The following PITPNA variants were observed in gnomAD, a reference collection of about 807,000 sequenced individuals.
PITPNA encodes the protein phosphatidylinositol transfer protein alpha.
A neutral mutation model predicts 50.3 loss-of-function variants in PITPNA; 13 were observed. That is an observed-to-expected ratio of 0.26 (90% confidence interval 0.17 to 0.41). PITPNA has a LOEUF of 0.41. Ranked by LOEUF, PITPNA falls within the 10% of genes least tolerant of loss-of-function variation. PITPNA has a pLI of 1.00. For missense variants in PITPNA, 207 were observed against 333.4 expected, an observed-to-expected ratio of 0.62 and a Z score of 2.95; for synonymous variants, 120 against 119.6, an observed-to-expected ratio of 1.00 and a Z score of -0.02.
intron 10 of PITPNA, among the ~76,000 whole-genome samples, chr17:1,530,986 C>T (rs1036520590): frequency 1.3e-5 from 2 of 151,516 alleles, no homozygotes; most frequent in African/African-American, 2.4e-5. Context: ...AAATGGAGAA[C>T]GGTTAGGAAC....
chr17:1,525,373 G>A lies in PITPNA; in HGVS notation c.769-3728C>T, dbSNP rs1019172103. On this transcript the variant is annotated intron_variant, in intron 10 of 11. Coordinates refer to ENST00000313486, the MANE Select transcript of PITPNA (RefSeq NM_006224.4). ...CACTGTCCTATAGCAAAGGAGATGT[G>A]TATAGAAGCTCTGAAGAACCTGGAA... Among the ~76,000 whole-genome samples, 5 of 152,082 alleles carry A rather than the reference G, an allele frequency of 3.3e-5. No homozygotes were observed. The East Asian group carries it at 9.6e-4, about 29-fold the overall frequency.
At chr17:1,538,179 T>C (rs2075629188) in intron 7 of PITPNA, among the ~76,000 whole-genome samples, 1 of 152,180 alleles carries the variant, frequency 6.6e-6, no homozygotes, top group African/African-American at 2.4e-5. Flanking sequence ...ACACATTCCC[T>C]ATCAGTGGGC....
intron 10 of PITPNA, among the ~76,000 whole-genome samples, chr17:1,532,788 A>G (rs1283110707): frequency 6.6e-6 from 1 of 152,228 alleles, no homozygotes; most frequent in African/African-American, 2.4e-5. Context: ...CGAAAGAATC[A>G]GGGACTGTGC....
chr17:1,562,415 T>A lies in PITPNA; in HGVS notation c.20+126A>T. Reference sequence around the variant, plus strand: ...CCCCTCCATCCCCGCTGGGCCCGCCTCAGGCACCCTCCGTCCCTGCTGCCC... The same window carrying A: ...CCCCTCCATCCCCGCTGGGCCCGCCACAGGCACCCTCCGTCCCTGCTGCCC... On this transcript the variant is annotated intron_variant, in intron 1 of 11. Coordinates refer to ENST00000313486, the MANE Select transcript of PITPNA (RefSeq NM_006224.4). This position sits in a 1 kb window ranked among gnomAD's most constrained non-coding sequence, Gnocchi z 6.4. The A allele has an allele frequency of 1.7e-6, 1 of 592,080 alleles. No homozygotes were observed. The highest frequency in any genetic ancestry group is 6.9e-5 in the East Asian group (1 of 14,416). 36.7% of individuals were successfully genotyped at this position (592,080 alleles called of 1,614,324 possible). A position where few individuals can be genotyped will look rare whatever the true frequency, so the allele number is the denominator to read the frequency against.
At chr17:1,548,478 G>A in intron 3 of PITPNA, 91 bp from the exon 4 acceptor site, 2 of 875,286 alleles carry the variant, frequency 2.3e-6, no homozygotes, top group Non-Finnish European at 1.8e-6. Flanking sequence ...ATGGGGAGCT[G>A]ACAAGCAAGT....
intron 3 of PITPNA, among the ~76,000 whole-genome samples, chr17:1,549,998 C>G (rs1350780031): frequency 6.6e-6 from 1 of 152,170 alleles, no homozygotes; most frequent in South Asian, 2.1e-4. Flanking sequence ...AACAGATAAT[C>G]TGTCCAGTCT....
chr17:1,544,753 C>T (rs1407597368), intron 4 of PITPNA, among the ~76,000 whole-genome samples: 1 of 152,218 alleles, frequency 6.6e-6, no homozygotes, highest in Non-Finnish European at 1.5e-5. Flanking sequence ...GCTTGGCCAA[C>T]ATGGTGAAAC....
chr17:1,521,942 C>T (rs116252130), intron 10 of PITPNA, among the ~76,000 whole-genome samples: 2,911 of 141,616 alleles, frequency 0.021, 121 homozygotes, highest in African/African-American at 0.073. Context: ...CCAGGCTGGT[C>T]TTGGGCTCCT....
At chr17:1,546,434 C>T (rs760210610) in intron 4 of PITPNA, among the ~76,000 whole-genome samples, 2 of 152,174 alleles carry the variant, frequency 1.3e-5, no homozygotes, top group Non-Finnish European at 2.9e-5. Context: ...AGAGCAATGA[C>T]CCCGTATTCT....
chr17:1,559,421 T>G (rs1402614293), intron 1 of PITPNA: 1 of 152,278 alleles, frequency 6.6e-6, no homozygotes, highest in African/African-American at 2.4e-5. Context: ...CTTCTCCAGG[T>G]GCCGTGCATG....
At chr17:1,528,154 T>C (rs748081307) in intron 10 of PITPNA, among the ~76,000 whole-genome samples, 2 of 152,010 alleles carry the variant, frequency 1.3e-5, no homozygotes, top group African/African-American at 4.8e-5. Context: ...TAGGCAACAG[T>C]GTGAGACCCT....
chr17:1,551,573 G>A (rs562012638), intron 3 of PITPNA, among the ~76,000 whole-genome samples: 12 of 152,252 alleles, frequency 7.9e-5, no homozygotes, highest in South Asian at 2.1e-4. Context: ...GATTACAGGC[G>A]TGAGCCCCCG....
intron 1 of PITPNA, among the ~76,000 whole-genome samples, chr17:1,559,227 T>G (rs2075755828): frequency 6.6e-6 from 1 of 152,154 alleles, no homozygotes; most frequent in Non-Finnish European, 1.5e-5. Context: ...AAGAGGGCAT[T>G]CAACTTATGT....
chr17:1,559,243 C>T (rs2075755877), intron 1 of PITPNA, among the ~76,000 whole-genome samples: 1 of 152,194 alleles, frequency 6.6e-6, no homozygotes, highest in South Asian at 2.1e-4. Flanking sequence ...TATGTCCTGA[C>T]CTCCAGGAGC....
chr17:1,562,636 G>T lies in PITPNA; in HGVS notation c.-76C>A. The T allele has an allele frequency of 3.1e-6, 3 of 972,908 alleles. No homozygotes were observed. The highest frequency in any genetic ancestry group is 3.9e-6 in the Non-Finnish European group (3 of 773,382). The allele number at this position is 972,908 out of a possible 1,614,324, so 60.3% of individuals were successfully genotyped here. On this transcript the variant is annotated 5_prime_UTR_variant, in exon 1 of 12. Transcript: ENST00000313486. This position sits in a 1 kb window ranked among gnomAD's most constrained non-coding sequence, Gnocchi z 6.4. ...CTGCCCGCCGGCCGCTCTCCCCGTG[G>T]CCCGGCCCGGCCCGGCTGCCTGTGC...
chr17:1,558,790 C>CG (rs2075753421), intron 1 of PITPNA, among the ~76,000 whole-genome samples: 1 of 113,660 alleles, frequency 8.8e-6, no homozygotes, highest in African/African-American at 3.3e-5. Flanking sequence ...GCCCCCCCCC[C>CG]CAGAGAATGG....
At chr17:1,521,522 G>T in intron 11 of PITPNA, 57 bp downstream of exon 11, 2 of 1,303,110 alleles carry the variant, frequency 1.5e-6, no homozygotes, top group Non-Finnish European at 2.2e-6. Flanking sequence ...CTGAGGCCTT[G>T]AAACCCAAAC....
Position 1,558,523 on chromosome 17 carries a change from A to T in PITPNA, c.51+6T>A, listed in dbSNP as rs759173284. The T allele has an allele frequency of 6.3e-7, 1 of 1,592,726 alleles. No homozygotes were observed. Among genetic ancestry groups the T allele is most frequent in the African/African-American group, 1.3e-5 (1 of 74,556 alleles). Reference sequence around the variant, plus strand: ...CAACTATGGACCAGAAAGTAAAAGGACTTACCTCATCTACAGACACAGGCA... The same window carrying T: ...CAACTATGGACCAGAAAGTAAAAGGTCTTACCTCATCTACAGACACAGGCA... On this transcript the variant is annotated splice_donor_region_variant and intron_variant, in intron 2 of 11. Transcript: ENST00000313486.
chr17:1,545,175 C>T (rs1196877056), intron 4 of PITPNA, among the ~76,000 whole-genome samples: 1 of 152,152 alleles, frequency 6.6e-6, no homozygotes, highest in African/African-American at 2.4e-5. Context: ...CCCATCCCAT[C>T]AGCTTCAAGG....
Sources: allele counts gnomAD v4.1 joint callset (sites outside exome capture counted in the v4.1 genomes callset), GRCh38; gene constraint gnomAD v4.1.1; non-coding constraint Gnocchi (gnomAD v3.1); transcripts MANE v1.5; gene names NCBI Gene and HGNC (gene_info 2026-07-23, HGNC 2026-07-21).